The following FSTL4 variants were observed in gnomAD, a reference collection of about 807,000 sequenced individuals.
FSTL4 encodes follistatin like 4, also known as follistatin-related protein 4.
A neutral mutation model predicts 78.2 loss-of-function variants in FSTL4; 28 were observed. The ratio of observed to expected loss-of-function variants is 0.36; its 90% CI spans 0.27 to 0.49. The LOEUF (loss-of-function observed/expected upper bound fraction) is 0.49, where lower values mean the gene tolerates loss of function less well. Ranked by LOEUF, FSTL4 falls within the 20% of genes least tolerant of loss-of-function variation. The pLI is 0.98. For synonymous variants in FSTL4, 422 were observed against 440.5 expected, an observed-to-expected ratio of 0.96 and a Z score of 0.53; for missense variants, 922 against 1,084.9, an observed-to-expected ratio of 0.85 and a Z score of 2.11.
At chr5:133,836,505 T>C in the FSTL4 span, among the ~76,000 whole-genome samples, 1 of 152,206 alleles carries the variant, frequency 6.6e-6, no homozygotes, top group East Asian at 1.9e-4. Context: ...CTAGAAGACA[T>C]AGTCAGATTT....
intron 3 of FSTL4, among the ~76,000 whole-genome samples, chr5:133,555,512 G>A (rs563936630): frequency 3.2e-4 from 48 of 152,240 alleles, no homozygotes; most frequent in African/African-American, 1.2e-3. Context: ...AGGCTTTCTT[G>A]AGCATATTAA....
the FSTL4 span, among the ~76,000 whole-genome samples, chr5:133,621,760 TAATAAA>T: frequency 0.039 from 5,956 of 152,086 alleles, 191 homozygotes; most frequent in African/African-American, 0.093. Flanking sequence ...AAAAATAAAA[TAATAAA>T]AATAAAAATA....
chr5:133,460,304 C>T (rs910929560), intron 3 of FSTL4, among the ~76,000 whole-genome samples: 4 of 152,078 alleles, frequency 2.6e-5, no homozygotes, highest in Admixed American at 2.0e-4. Context: ...CCCCAGTGCT[C>T]TTTCCAAGGG....
intron 6 of FSTL4, among the ~76,000 whole-genome samples, chr5:133,278,852 C>G (rs1353266349): frequency 6.6e-6 from 1 of 152,214 alleles, no homozygotes; most frequent in Non-Finnish European, 1.5e-5. Flanking sequence ...ACAATCTGAT[C>G]CCCTGCTCCT....
At chr5:133,452,093 A>T (rs1319865223) in intron 3 of FSTL4, among the ~76,000 whole-genome samples, 1 of 152,246 alleles carries the variant, frequency 6.6e-6, no homozygotes, top group East Asian at 1.9e-4. Context: ...AGTTCCACAC[A>T]GCAGGCTGTT....
At chr5:133,260,132 C>T (rs1165695141) in intron 6 of FSTL4, among the ~76,000 whole-genome samples, 1 of 152,214 alleles carries the variant, frequency 6.6e-6, no homozygotes, top group Non-Finnish European at 1.5e-5. Context: ...TCCCCGTCGT[C>T]CCAAGTTTCC....
chr5:133,232,800 G>C (rs10044922), intron 8 of FSTL4, among the ~76,000 whole-genome samples: 73,092 of 151,954 alleles, frequency 0.48, 17,862 homozygotes, highest in East Asian at 0.7. Context: ...CAAGGCAAGT[G>C]CTGGGAAAAC....
At chr5:133,671,754 G>A in the FSTL4 span, among the ~76,000 whole-genome samples, 6 of 152,344 alleles carry the variant, frequency 3.9e-5, no homozygotes, top group South Asian at 1.2e-3. Flanking sequence ...GAAAACAAAG[G>A]AAGGAGGAAG....
the FSTL4 span, among the ~76,000 whole-genome samples, chr5:133,683,433 C>T: frequency 6.6e-6 from 1 of 152,152 alleles, no homozygotes; most frequent in East Asian, 1.9e-4. Context: ...ATTTAATACA[C>T]AGTAGTTAAA....
At chr5:133,653,864 C>G in the FSTL4 span, among the ~76,000 whole-genome samples, 2 of 152,194 alleles carry the variant, frequency 1.3e-5, no homozygotes, top group African/African-American at 4.8e-5. Context: ...GAGACTGCAC[C>G]GGGCTGCATT....
the FSTL4 span, among the ~76,000 whole-genome samples, chr5:133,674,593 GTGTGTGTGTGTGTGTGTC>G: frequency 1.3e-5 from 2 of 148,980 alleles, no homozygotes; most frequent in African/African-American, 4.9e-5. Flanking sequence ...ATATGTGTGT[GTGTGTGTGTGTGTGTGTC>G]TGTGTGTGTG....
At chr5:133,698,712 G>T in the FSTL4 span, among the ~76,000 whole-genome samples, 1 of 152,244 alleles carries the variant, frequency 6.6e-6, no homozygotes. Context: ...GGTAAGTGAG[G>T]AGATCTCAGG....
the FSTL4 span, among the ~76,000 whole-genome samples, chr5:133,687,947 T>C: frequency 1.1e-4 from 16 of 152,162 alleles, no homozygotes; most frequent in Non-Finnish European, 1.8e-4. Flanking sequence ...ACCCCCACTA[T>C]GTTTGCATTC....
At chr5:133,506,802 A>G (rs1326730320) in intron 3 of FSTL4, among the ~76,000 whole-genome samples, 1 of 152,260 alleles carries the variant, frequency 6.6e-6, no homozygotes, top group African/African-American at 2.4e-5. Flanking sequence ...AGGTCATTCA[A>G]TAAATATTTG....
rs543516298 is a variant in FSTL4 at position 133,562,993 on chromosome 5, G to A, written c.160+4193C>T. Reference sequence around the variant, plus strand: ...CACCTTTTGCTGAAGCTTCAGAAAAGGGTGAAATTAAATTTTAGATGTCTG... The same window carrying A: ...CACCTTTTGCTGAAGCTTCAGAAAAAGGTGAAATTAAATTTTAGATGTCTG... On this transcript the variant is annotated intron_variant, in intron 3 of 15. Transcript: ENST00000265342. Among the ~76,000 whole-genome samples, 7 of 152,300 alleles carry A rather than the reference G, an allele frequency of 4.6e-5. No homozygotes were observed. The East Asian group carries it at 1.4e-3, about 29-fold the overall frequency.
intron 3 of FSTL4, among the ~76,000 whole-genome samples, chr5:133,487,602 A>G (rs998169367): frequency 3.3e-5 from 5 of 152,248 alleles, no homozygotes; most frequent in Admixed American, 6.5e-5. Flanking sequence ...GTTGATGTAC[A>G]TTTCAGCACG....
At chr5:133,514,521 G>T (rs935778700) in intron 3 of FSTL4, among the ~76,000 whole-genome samples, 2 of 152,188 alleles carry the variant, frequency 1.3e-5, no homozygotes, top group African/African-American at 4.8e-5. Context: ...GATGTGCAGG[G>T]CAGGCAATAG....
intron 4 of FSTL4, among the ~76,000 whole-genome samples, chr5:133,331,659 C>T (rs1316769441): frequency 2.0e-5 from 3 of 152,150 alleles, no homozygotes; most frequent in Non-Finnish European, 2.9e-5. Context: ...GGGTTTTAGA[C>T]CTGAGACGGC....
chr5:133,783,378 C>A, the FSTL4 span, among the ~76,000 whole-genome samples: 1 of 152,184 alleles, frequency 6.6e-6, no homozygotes, highest in Admixed American at 6.5e-5. Flanking sequence ...CAGCTTAACG[C>A]CTTTTGTCCC....
Sources: gnomAD v4.1 joint callset for allele counts (sites outside exome capture counted in the v4.1 genomes callset) on GRCh38, gnomAD v4.1.1 for gene constraint, MANE v1.5 for transcripts, NCBI Gene and HGNC (gene_info 2026-07-23, HGNC 2026-07-21) for gene names.